TYW2: variants seen among roughly 807,000 people sequenced by gnomAD.
TYW2 encodes tRNA wybutosine-synthesizing protein 2 homolog.
the TYW2 span, chr8:124,451,568 A>G: frequency 3.7e-6 from 6 of 1,614,048 alleles, no homozygotes; most frequent in Non-Finnish European, 5.1e-6. Context: ...GACGTGACCC[A>G]GTGTATGTTC....
chr8:124,450,988 G>C, the TYW2 span: 1 of 1,614,064 alleles, frequency 6.2e-7, no homozygotes, highest in Non-Finnish European at 8.5e-7. Context: ...CGTGGCTGTT[G>C]TCGCAGTTGT....
At chr8:124,452,132 G>T in the TYW2 span, 1 of 1,614,220 alleles carries the variant, frequency 6.2e-7, no homozygotes, top group South Asian at 1.1e-5. Context: ...GCAGAAACTC[G>T]AATCGCCACT....
the TYW2 span, chr8:124,451,652 A>G: frequency 7.4e-6 from 12 of 1,614,198 alleles, no homozygotes; most frequent in East Asian, 8.9e-5. Flanking sequence ...GTGGATCTCT[A>G]TGCAGGGATT....
chr8:124,452,369 A>T, the TYW2 span: 1 of 1,323,960 alleles, frequency 7.6e-7, no homozygotes, highest in Non-Finnish European at 1.0e-6. Context: ...TCCCCTGGTG[A>T]TCAGTTTTTT....
At chr8:124,451,416 C>A in the TYW2 span, 1 of 1,614,106 alleles carries the variant, frequency 6.2e-7, no homozygotes, top group East Asian at 2.2e-5. Context: ...TCTGGGAGAC[C>A]GTTGCCTTGG....
chr8:124,450,972 G>A, the TYW2 span: 1 of 1,614,160 alleles, frequency 6.2e-7, no homozygotes. Flanking sequence ...GAGAAAGTGG[G>A]AAGCCCGTGG....
the TYW2 span, chr8:124,451,784 G>T: frequency 6.2e-7 from 1 of 1,614,018 alleles, no homozygotes; most frequent in African/African-American, 1.3e-5. Flanking sequence ...GTAGCAGATC[G>T]GTGCCAAATA....
chr8:124,450,921 T>C, the TYW2 span: 22 of 1,609,492 alleles, frequency 1.4e-5, no homozygotes, highest in East Asian at 2.2e-5. Context: ...GGAGTATCGC[T>C]GAGGTGATGA....
chr8:124,450,878 T>G, the TYW2 span: 6 of 1,555,682 alleles, frequency 3.9e-6, no homozygotes, highest in Non-Finnish European at 5.2e-6. Context: ...GACCGGGAAT[T>G]TAGTCAGCCT....
chr8:124,452,412 A>G, the TYW2 span: 1 of 782,624 alleles, frequency 1.3e-6, no homozygotes, highest in Non-Finnish European at 2.0e-6. Flanking sequence ...CAGGCTCTAG[A>G]TCAATTCAAA....
At chr8:124,451,571 G>A in the TYW2 span, 1 of 1,614,188 alleles carries the variant, frequency 6.2e-7, no homozygotes, top group South Asian at 1.1e-5. Flanking sequence ...GTGACCCAGT[G>A]TATGTTCTCC....
chr8:124,451,371 C>A, the TYW2 span: 1 of 1,614,146 alleles, frequency 6.2e-7, no homozygotes, highest in Non-Finnish European at 8.5e-7. Context: ...AAGACTGTTT[C>A]CAAGCCAAGC....
the TYW2 span, chr8:124,451,823 T>C: frequency 6.2e-7 from 1 of 1,614,074 alleles, no homozygotes; most frequent in Non-Finnish European, 8.5e-7. Flanking sequence ...AAACTGAAGC[T>C]CTCAAATATT....
the TYW2 span, chr8:124,451,674 A>T: frequency 6.2e-7 from 1 of 1,614,126 alleles, no homozygotes; most frequent in Non-Finnish European, 8.5e-7. Flanking sequence ...GTTATTTTAC[A>T]TTGCCTTTCC....
chr8:124,451,539 T>C, the TYW2 span: 1 of 1,614,194 alleles, frequency 6.2e-7, no homozygotes, highest in Non-Finnish European at 8.5e-7. Flanking sequence ...ATGTGGATAA[T>C]GGTATCCGTT....
chr8:124,451,361 A>G, the TYW2 span: 1 of 1,614,064 alleles, frequency 6.2e-7, no homozygotes, highest in Non-Finnish European at 8.5e-7. Context: ...TTGCTGAGTG[A>G]AGACTGTTTC....
At chr8:124,452,070 A>T in the TYW2 span, 51 of 1,614,074 alleles carry the variant, frequency 3.2e-5, no homozygotes, top group Non-Finnish European at 4.2e-5. Context: ...ATTCTAGGGG[A>T]AAAATGCTGT....
At chr8:124,451,246 T>C in the TYW2 span, 3 of 1,614,020 alleles carry the variant, frequency 1.9e-6, no homozygotes, top group South Asian at 1.1e-5. Flanking sequence ...TGCCCAAAAA[T>C]TGTGTCTTGA....
At chr8:124,451,244 A>G in the TYW2 span, 2 of 1,613,962 alleles carry the variant, frequency 1.2e-6, no homozygotes, top group East Asian at 4.5e-5. Flanking sequence ...CCTGCCCAAA[A>G]ATTGTGTCTT....
Sources: gnomAD v4.1 joint callset for allele counts on GRCh38, gnomAD v4.1.1 for gene constraint, MANE v1.5 for transcripts, NCBI Gene and HGNC (gene_info 2026-07-23, HGNC 2026-07-21) for gene names.